The following ANKRD33B variants were observed in gnomAD, a reference collection of about 807,000 sequenced individuals.
ANKRD33B encodes ankyrin repeat domain-containing protein 33B.
Under a neutral mutation model 21.5 loss-of-function variants are expected in ANKRD33B, and 6 were observed. The ratio of observed to expected loss-of-function variants is 0.28; its 90% CI spans 0.15 to 0.55. The LOEUF is 0.55. Ranked by LOEUF, ANKRD33B falls within the 20% of genes least tolerant of loss-of-function variation. The pLI is 0.94. For synonymous variants in ANKRD33B, 347 were observed against 342.4 expected (o/e 1.01, Z -0.15); for missense variants, 698 against 747.2 (o/e 0.93, Z 0.77).
chr5:10,586,729 C>A (rs1735572267), intron 1 of ANKRD33B, among the ~76,000 whole-genome samples: 1 of 152,170 alleles, frequency 6.6e-6, no homozygotes, highest in Non-Finnish European at 1.5e-5. Flanking sequence ...CCAGTGCAAA[C>A]ATGGCCTTTT....
rs768074427 is a variant in ANKRD33B at position 10,649,506 on chromosome 5, C to G, written c.878C>G (p.Pro293Arg). The G allele has an allele frequency of 6.5e-7, 1 of 1,534,602 alleles. No individual in the cohort carries two copies. Among genetic ancestry groups the G allele is most frequent in the South Asian group, 1.2e-5 (1 of 83,994 alleles). Residue 293 changes from proline to arginine, a missense_variant, in exon 4 of 4, where the codon CCG (proline) becomes CGG (arginine). Around this residue, in one of 3 missense-constraint regions of ANKRD33B, gnomAD observed 543 missense variants for 566.5 expected, o/e 0.96. Transcript: ENST00000296657. The stretch of plus-strand genomic sequence containing the variant: ...GACTGCGTGCTGTCCGTGCTGACGC[C>G]GCGCTCCGTGCGGGGCCCGGAGGAC... ...LTDCVLSVLT[P>R]RSVRGPEDGG...
chr5:10,617,732 C>T (rs747787255), intron 1 of ANKRD33B, among the ~76,000 whole-genome samples: 2 of 152,182 alleles, frequency 1.3e-5, no homozygotes, highest in African/African-American at 2.4e-5. Context: ...CTCCTGGACC[C>T]GGGTTACTCC....
chr5:10,643,844 G>GAAGT (rs1737129135), intron 3 of ANKRD33B, among the ~76,000 whole-genome samples: 1 of 141,106 alleles, frequency 7.1e-6, no homozygotes, highest in South Asian at 2.2e-4. Context: ...AAAAAAAAGA[G>GAAGT]AAGTGACATC....
At chr5:10,649,209 G>C in intron 3 of ANKRD33B, 57 bp from the exon 4 acceptor site, 3 of 1,475,278 alleles carry the variant, frequency 2.0e-6, no homozygotes, top group Non-Finnish European at 2.7e-6. Context: ...GCTCTGCCTG[G>C]GAGGGAAGAG....
intron 2 of ANKRD33B, among the ~76,000 whole-genome samples, chr5:10,621,835 C>A (rs888446847): frequency 6.6e-6 from 1 of 152,136 alleles, no homozygotes; most frequent in Non-Finnish European, 1.5e-5. Flanking sequence ...GTTAAAACCC[C>A]AACTCCCAAT....
At chr5:10,578,911 C>T (rs1735380005) in intron 1 of ANKRD33B, among the ~76,000 whole-genome samples, 1 of 152,036 alleles carries the variant, frequency 6.6e-6, no homozygotes, top group African/African-American at 2.4e-5. Flanking sequence ...CCTATAATCC[C>T]CCAGCGCTTG....
intron 1 of ANKRD33B, among the ~76,000 whole-genome samples, chr5:10,607,590 C>T (rs1736073997): frequency 6.6e-6 from 1 of 152,212 alleles, no homozygotes; most frequent in Admixed American, 6.5e-5. Context: ...ACTGAATTGT[C>T]CTGGTTCAAA....
intron 1 of ANKRD33B, among the ~76,000 whole-genome samples, chr5:10,574,132 C>T (rs745974328): frequency 5.3e-5 from 8 of 152,254 alleles, no homozygotes; most frequent in Non-Finnish European, 8.8e-5. Flanking sequence ...ACATATCATT[C>T]CACCGGCTGT....
intron 2 of ANKRD33B, among the ~76,000 whole-genome samples, chr5:10,631,106 C>G (rs763207508): frequency 1.1e-4 from 16 of 152,054 alleles, no homozygotes; most frequent in Non-Finnish European, 2.1e-4. Context: ...TTTAGGCTGG[C>G]CTTAGGGAAA....
At chr5:10,571,467 G>A (rs912393910) in intron 1 of ANKRD33B, among the ~76,000 whole-genome samples, 9 of 152,122 alleles carry the variant, frequency 5.9e-5, no homozygotes, top group African/African-American at 1.7e-4. Context: ...CTCCCAAAGC[G>A]CTGGGATTAC....
Position 10,619,346 on chromosome 5 carries a change from C to G in ANKRD33B, c.496+884C>G. 1.0e-6 allele frequency: 1 copy of G among 985,428 alleles called. No homozygotes were observed. The highest frequency in any genetic ancestry group is 1.2e-6 in the Non-Finnish European group (1 of 829,932). 61.0% of individuals were successfully genotyped at this position (985,428 alleles called of 1,614,324 possible). ...GGTTGTTGAGAATCCCACTCAGGGC[C>G]TGGAAACTGGAGGAAGTGCCCCCGA... On this transcript the variant is annotated intron_variant, in intron 2 of 3. Transcript: ENST00000296657. The surrounding 1 kb of genome is among the most constrained non-coding windows in gnomAD (Gnocchi z 4.5).
chr5:10,603,908 T>C (rs1311023394), intron 1 of ANKRD33B, among the ~76,000 whole-genome samples: 1 of 151,910 alleles, frequency 6.6e-6, no homozygotes, highest in Admixed American at 6.6e-5. Flanking sequence ...TTTTTTTTTT[T>C]TTTGAGATGG....
chr5:10,582,658 C>T (rs1329630077), intron 1 of ANKRD33B, among the ~76,000 whole-genome samples: 1 of 152,240 alleles, frequency 6.6e-6, no homozygotes, highest in East Asian at 1.9e-4. Context: ...CAGCTGTGCG[C>T]TGTGCTGCCT....
At chr5:10,637,823 G>A (rs1298068343) in intron 2 of ANKRD33B, among the ~76,000 whole-genome samples, 3 of 152,082 alleles carry the variant, frequency 2.0e-5, no homozygotes, top group Admixed American at 6.5e-5. Flanking sequence ...AAACAGCAGC[G>A]CTGCAGCCAG....
intron 1 of ANKRD33B, among the ~76,000 whole-genome samples, chr5:10,572,773 A>T (rs1735226202): frequency 6.6e-6 from 1 of 152,196 alleles, no homozygotes; most frequent in African/African-American, 2.4e-5. Flanking sequence ...GCACAGGCTG[A>T]CGTGGTTACA....
chr5:10,622,794 C>CTTTTTTTTTTTTTTTTT lies in ANKRD33B; in HGVS notation c.496+4335_496+4336insTTTTTTTTTTTTTTTTT, dbSNP rs1436392852. Among the ~76,000 whole-genome samples, 9 of 78,598 alleles carry CTTTTTTTTTTTTTTTTT rather than the reference C, an allele frequency of 1.1e-4. 1 individual carries two copies. The highest frequency in any genetic ancestry group is 3.6e-4 in the African/African-American group (5 of 13,750). 51.6% of individuals were successfully genotyped at this position (78,598 alleles called of 152,430 possible). A position where few individuals can be genotyped will look rare whatever the true frequency, so the allele number is the denominator to read the frequency against. ...GATCCAGGGTTGTTTTTTGTTTTTGCTTTATTTTATTTTATTTTTTTTTTT... is the reference window on the plus strand; with the variant it reads ...GATCCAGGGTTGTTTTTTGTTTTTGCTTTTTTTTTTTTTTTTTTTTATTTTATTTTATTTTTTTTTTT... On this transcript the variant is annotated intron_variant, in intron 2 of 3. Transcript: ENST00000296657.
chr5:10,571,264 C>T (rs529336844), intron 1 of ANKRD33B, among the ~76,000 whole-genome samples: 19 of 152,176 alleles, frequency 1.2e-4, no homozygotes, highest in South Asian at 6.2e-4. Context: ...TGCAGTGGTG[C>T]GATCTCGGCC....
chr5:10,611,001 G>A (rs780403522), intron 1 of ANKRD33B, among the ~76,000 whole-genome samples: 2 of 152,116 alleles, frequency 1.3e-5, no homozygotes, highest in African/African-American at 2.4e-5. Context: ...CTGAGATTGC[G>A]CCACTGCACT....
chr5:10,596,659 A>C (rs1048628651), intron 1 of ANKRD33B, among the ~76,000 whole-genome samples: 1 of 152,202 alleles, frequency 6.6e-6, no homozygotes, highest in African/African-American at 2.4e-5. Context: ...CCAACCTAGT[A>C]AGACAGGCCA....
Sources: gnomAD v4.1 joint callset for allele counts (sites outside exome capture counted in the v4.1 genomes callset) on GRCh38, gnomAD v4.1.1 for gene constraint, gnomAD v4.1.1 regional missense constraint, Gnocchi (gnomAD v3.1) non-coding constraint, MANE v1.5 for transcripts, NCBI Gene and HGNC (gene_info 2026-07-23, HGNC 2026-07-21) for gene names.